Variants in DEPDC1B observed in about 807,000 individuals in gnomAD.
DEPDC1B encodes DEP domain containing 1B.
Under a neutral mutation model 66.5 loss-of-function variants are expected in DEPDC1B, and 51 were observed. The observed-to-expected ratio is 0.77, with a 90% CI of 0.61 to 0.97. The LOEUF (loss-of-function observed/expected upper bound fraction) is 0.97, where lower values mean the gene tolerates loss of function less well. DEPDC1B is among the 50% of genes least tolerant of loss of function. DEPDC1B has a pLI of 0.00. For synonymous variants in DEPDC1B, 226 were observed against 223.6 expected (o/e 1.01, Z -0.10); for missense variants, 552 against 637.1 (o/e 0.87, Z 1.44).
In DEPDC1B at chr5:60,605,573, CTG is replaced by C. The variant is rs1346387190; in HGVS notation, c.1065+115_1065+116del. On this transcript the variant is annotated intron_variant, in intron 8 of 10. Coordinates refer to ENST00000265036, the MANE Select transcript of DEPDC1B (RefSeq NM_018369.3). ...CGACACAAGTCTGGGTGGACACTGA[CTG>C]TGGCTCTTTTAAGCAAGTCTGCTTT... The C allele has an allele frequency of 9.0e-6, 10 of 1,111,670 alleles. No individual in the cohort carries two copies. The South Asian group carries it at 9.1e-5, about 10-fold the overall frequency. 68.9% of individuals were successfully genotyped at this position (1,111,670 alleles called of 1,614,324 possible).
Position 60,638,770 on chromosome 5 carries a change from T to C in DEPDC1B, c.878A>G (p.Asp293Gly). 1 of 1,610,484 alleles carries C rather than the reference T, an allele frequency of 6.2e-7. No individual in the cohort carries two copies. Among genetic ancestry groups the C allele is most frequent in the Non-Finnish European group, 8.5e-7 (1 of 1,178,676 alleles). ...CTTACCCAGTACACTGACAAAAGCA[T>C]CAAAAAGATGAAATGTAAGTAGAGG... ...KEPLLTFHLF[D>G]AFVSVLGLLQ... The change falls in exon 7 of 11, where the codon GAT (aspartate) becomes GGT (glycine). Residue 293 changes from aspartate (D) to glycine (G), a missense_variant. By Grantham distance (94) the Asp-to-Gly change is moderately conservative. Coordinates refer to ENST00000265036, the MANE Select transcript of DEPDC1B (RefSeq NM_018369.3).
At chr5:60,698,212 C>T (rs1367671912) in intron 1 of DEPDC1B, among the ~76,000 whole-genome samples, 1 of 152,204 alleles carries the variant, frequency 6.6e-6, no homozygotes, top group African/African-American at 2.4e-5. Context: ...GGTGTCTATA[C>T]TGTATAGAGT....
chr5:60,634,671 C>CAAAA (rs759251998), intron 7 of DEPDC1B, among the ~76,000 whole-genome samples: 34 of 113,918 alleles, frequency 3.0e-4, no homozygotes, highest in African/African-American at 7.9e-4. Context: ...GACTCTGTCT[C>CAAAA]AAAAAAATAA....
intron 2 of DEPDC1B, among the ~76,000 whole-genome samples, chr5:60,685,114 A>G (rs555312907): frequency 6.6e-6 from 1 of 152,328 alleles, no homozygotes; most frequent in South Asian, 2.1e-4. Context: ...ACTTGGCAGT[A>G]GTACTCTTTG....
In DEPDC1B at chr5:60,667,805, A is replaced by G. The variant is rs182152377; in HGVS notation, c.314+19157T>C. Reference sequence around the variant, plus strand: ...TATATAAAAAATGGATATTTTACATATATATAAAAAATGGATATTTTACAT... The same window carrying G: ...TATATAAAAAATGGATATTTTACATGTATATAAAAAATGGATATTTTACAT... On this transcript the variant is annotated intron_variant, in intron 2 of 10. Coordinates refer to ENST00000265036, the MANE Select transcript of DEPDC1B (RefSeq NM_018369.3). Among the ~76,000 whole-genome samples the G allele has an allele frequency of 4.2e-3, 477 of 113,566 alleles. 11 individuals are homozygous for G. The highest frequency in any genetic ancestry group is 0.017 in the South Asian group (51 of 3,060). 74.5% of individuals were successfully genotyped at this position (113,566 alleles called of 152,430 possible). A position where few individuals can be genotyped will look rare whatever the true frequency, so the allele number is the denominator to read the frequency against.
At chr5:60,664,680 A>C (rs61750036) in intron 2 of DEPDC1B, among the ~76,000 whole-genome samples, 1 of 152,204 alleles carries the variant, frequency 6.6e-6, no homozygotes, top group Non-Finnish European at 1.5e-5. Flanking sequence ...CAAAAGGCGG[A>C]GTATGCAGTG....
intron 7 of DEPDC1B, among the ~76,000 whole-genome samples, chr5:60,606,149 G>A (rs113114967): frequency 2.4e-4 from 36 of 152,094 alleles, no homozygotes; most frequent in African/African-American, 8.2e-4. Context: ...ACCAGGAGCA[G>A]CCAGGCTAAC....
intron 2 of DEPDC1B, among the ~76,000 whole-genome samples, chr5:60,648,787 C>A (rs1753378234): frequency 1.3e-5 from 2 of 152,158 alleles, no homozygotes; most frequent in African/African-American, 4.8e-5. Flanking sequence ...GTTACCAAGG[C>A]AGGTGTTCCC....
chr5:60,597,867 T>C lies in DEPDC1B; in HGVS notation c.1476A>G (p.Pro492=), dbSNP rs550002273. The C allele has an allele frequency of 6.2e-7, 1 of 1,613,022 alleles. No individual in the cohort carries two copies. The highest frequency in any genetic ancestry group is 1.7e-4 in the Middle Eastern group (1 of 6,052). Residue 492 remains proline, a synonymous_variant, in exon 11 of 11, where the codon CCA becomes CCG. Transcript: ENST00000265036. ...PEVYQERFPT[P]ESAALLFPEK... ...CAGGAAACAGAAGTGCTGCACTTTCTGGTGTAGGAAATCGTTCTTGATAGA... is the reference window on the plus strand; with the variant it reads ...CAGGAAACAGAAGTGCTGCACTTTCCGGTGTAGGAAATCGTTCTTGATAGA...
intron 2 of DEPDC1B, among the ~76,000 whole-genome samples, chr5:60,662,216 G>A (rs1039879200): frequency 1.3e-5 from 2 of 151,698 alleles, no homozygotes; most frequent in African/African-American, 2.4e-5. Flanking sequence ...GTGAAACCCC[G>A]TCTCTACTAA....
chr5:60,672,686 A>T (rs1398895233), intron 2 of DEPDC1B, among the ~76,000 whole-genome samples: 1 of 152,160 alleles, frequency 6.6e-6, no homozygotes, highest in Non-Finnish European at 1.5e-5. Context: ...CTAAAAACAG[A>T]AATGTTAGCA....
chr5:60,695,998 C>T (rs1379135584), intron 1 of DEPDC1B, among the ~76,000 whole-genome samples: 2 of 152,096 alleles, frequency 1.3e-5, no homozygotes, highest in African/African-American at 4.8e-5. Context: ...GGGGTTTCAC[C>T]ATGTTGGCCA....
rs541559495 is a variant in DEPDC1B, at chr5:60,667,606, CAT to C, written c.314+19354_314+19355del. On this transcript the variant is annotated intron_variant, in intron 2 of 10. Coordinates refer to ENST00000265036, the MANE Select transcript of DEPDC1B (RefSeq NM_018369.3). ...TACATATATAAAAATGGATATTTTA[CAT>C]ATATATAAAAAATGGATATTTTACA... Among the ~76,000 whole-genome samples, 86 of 135,052 alleles carry C rather than the reference CAT, an allele frequency of 6.4e-4. 2 individuals are homozygous for C. Among genetic ancestry groups the C allele is most frequent in the African/African-American group, 2.2e-3 (73 of 33,690 alleles). The allele number at this position is 135,052 out of a possible 152,430, so 88.6% of individuals were successfully genotyped here. A position where few individuals can be genotyped will look rare whatever the true frequency, so the allele number is the denominator to read the frequency against.
chr5:60,687,772 C>T (rs567333767), intron 1 of DEPDC1B: 4 of 197,758 alleles, frequency 2.0e-5, no homozygotes, highest in Admixed American at 6.2e-5. Context: ...GTGATCCAGC[C>T]GCCTCAGCCT....
At chr5:60,652,574 T>G (rs1248632322) in intron 2 of DEPDC1B, among the ~76,000 whole-genome samples, 1 of 149,170 alleles carries the variant, frequency 6.7e-6, no homozygotes, top group Non-Finnish European at 1.5e-5. Context: ...GGAACTCAGT[T>G]TATAAGGTTT....
intron 1 of DEPDC1B, chr5:60,689,042 A>C (rs958952717): frequency 6.6e-5 from 30 of 456,278 alleles, no homozygotes; most frequent in African/African-American, 6.0e-4. Flanking sequence ...AGGATAACAG[A>C]ATCAATCCCT....
chr5:60,621,641 A>T, intron 7 of DEPDC1B, among the ~76,000 whole-genome samples: 1 of 152,176 alleles, frequency 6.6e-6, no homozygotes, highest in East Asian at 1.9e-4. Context: ...TATGTAACAA[A>T]TCTGCATGTT....
At chr5:60,658,958 T>A (rs934620344) in intron 2 of DEPDC1B, among the ~76,000 whole-genome samples, 3 of 152,190 alleles carry the variant, frequency 2.0e-5, no homozygotes, top group African/African-American at 7.2e-5. Context: ...GTGCTTCTGA[T>A]CCAGCGAGAC....
intron 2 of DEPDC1B, among the ~76,000 whole-genome samples, chr5:60,673,202 TTC>T (rs1754081035): frequency 6.6e-6 from 1 of 152,320 alleles, no homozygotes; most frequent in African/African-American, 2.4e-5. Context: ...CAGCAAACTA[TTC>T]TCTGACTGAT....
Sources: allele counts gnomAD v4.1 joint callset (sites outside exome capture counted in the v4.1 genomes callset), GRCh38; gene constraint gnomAD v4.1.1; transcripts MANE v1.5; gene names NCBI Gene and HGNC (gene_info 2026-07-23, HGNC 2026-07-21).